INTU: variants seen among roughly 807,000 people sequenced by gnomAD.
INTU encodes inturned planar cell polarity protein, also known as protein inturned.
A neutral mutation model predicts 100.5 loss-of-function variants in INTU; 68 were observed. That is an observed-to-expected ratio of 0.68 (90% CI 0.56 to 0.83). The LOEUF is 0.83. Ranked by LOEUF, INTU falls within the 40% of genes least tolerant of loss-of-function variation. The pLI is 0.00. For missense variants in INTU, 1,071 were observed against 1,114.7 expected, an observed-to-expected ratio of 0.96 and a Z score of 0.56; for synonymous variants, 357 against 395.7, an observed-to-expected ratio of 0.90 and a Z score of 1.16.
At chr4:127,664,452 A>C (rs552096732) in intron 4 of INTU, among the ~76,000 whole-genome samples, 62 of 152,112 alleles carry the variant, frequency 4.1e-4, no homozygotes, top group South Asian at 1.7e-3. Flanking sequence ...ATAATTAAGA[A>C]AGATATAGAA....
At chr4:127,692,629 T>G (rs1730202267) in intron 8 of INTU, among the ~76,000 whole-genome samples, 1 of 152,202 alleles carries the variant, frequency 6.6e-6, no homozygotes, top group Admixed American at 6.5e-5. Context: ...TTGCATTTGC[T>G]TTTGGGTTCT....
intron 13 of INTU, among the ~76,000 whole-genome samples, chr4:127,709,644 G>A (rs1731018461): frequency 6.6e-6 from 1 of 151,516 alleles, no homozygotes; most frequent in Non-Finnish European, 1.5e-5. Context: ...TCATGTGTGG[G>A]ATCAACTGGT....
intron 8 of INTU, among the ~76,000 whole-genome samples, chr4:127,696,676 C>T (rs554058675): frequency 2.2e-4 from 34 of 151,582 alleles, no homozygotes; most frequent in Admixed American, 8.5e-4. Flanking sequence ...TTTTCAGTGT[C>T]GTTGATTTCT....
intron 6 of INTU, among the ~76,000 whole-genome samples, chr4:127,682,692 A>G (rs377025495): frequency 1.3e-5 from 2 of 151,852 alleles, no homozygotes; most frequent in African/African-American, 2.4e-5. Context: ...ACATGTATAC[A>G]TATGTAACTA....
At chr4:127,684,952 A>AT (rs1729749170) in intron 7 of INTU, among the ~76,000 whole-genome samples, 1 of 151,996 alleles carries the variant, frequency 6.6e-6, no homozygotes. Flanking sequence ...CTTAAAATAC[A>AT]TTTTTGTGTT....
chr4:127,640,226 T>A (rs1727250002), intron 1 of INTU, among the ~76,000 whole-genome samples: 1 of 152,078 alleles, frequency 6.6e-6, no homozygotes, highest in Non-Finnish European at 1.5e-5. Flanking sequence ...TATAATCTAT[T>A]TTCAAGAAGA....
intron 2 of INTU, among the ~76,000 whole-genome samples, chr4:127,653,182 T>C (rs1457007175): frequency 2.1e-5 from 3 of 143,272 alleles, no homozygotes; most frequent in Non-Finnish European, 4.6e-5. Flanking sequence ...GCTCCTGGAT[T>C]CATTAATTTT....
At chr4:127,714,160 AT>A (rs1480671609) in intron 15 of INTU, 67 bp downstream of exon 15, 1 of 1,311,864 alleles carries the variant, frequency 7.6e-7, no homozygotes, top group African/African-American at 1.5e-5. Context: ...GGTAAAGGAG[AT>A]TAACATTTTA....
intron 8 of INTU, among the ~76,000 whole-genome samples, 175 bp downstream of exon 8, chr4:127,688,042 C>A (rs1395492923): frequency 1.3e-5 from 2 of 152,056 alleles, no homozygotes; most frequent in African/African-American, 4.8e-5. Flanking sequence ...AGAAATTATC[C>A]TTTATAAGTA....
At chr4:127,687,645 T>C (rs770706523) in intron 7 of INTU, 33 bp from the exon 8 acceptor site, 13 of 1,561,476 alleles carry the variant, frequency 8.3e-6, no homozygotes, top group East Asian at 4.5e-5. Context: ...CATTTCCATA[T>C]GTCGTTCTAA....
chr4:127,711,254 A>G (rs1158101949), intron 14 of INTU, 152 bp downstream of exon 14: 1 of 518,432 alleles, frequency 1.9e-6, no homozygotes, highest in Non-Finnish European at 3.2e-6. Context: ...AAACAATTAT[A>G]CTCACAGTAC....
intron 5 of INTU, among the ~76,000 whole-genome samples, chr4:127,671,183 G>A (rs920029081): frequency 6.6e-6 from 1 of 151,958 alleles, no homozygotes; most frequent in African/African-American, 2.4e-5. Flanking sequence ...ATAGCCTGCG[G>A]AATGAGAGAA....
At chr4:127,712,041 G>A (rs554528919) in intron 14 of INTU, among the ~76,000 whole-genome samples, 2 of 152,266 alleles carry the variant, frequency 1.3e-5, no homozygotes, top group African/African-American at 2.4e-5. Context: ...TACTTGTGAC[G>A]TTATACAGCC....
Position 127,726,654 on chromosome 4 carries a change from G to A in INTU, c.*10218G>A, listed in dbSNP as rs915580709. On this transcript the variant is annotated 3_prime_UTR_variant, in exon 16 of 16. Transcript: ENST00000335251. Reference sequence around the variant, plus strand: ...TATGAAATAATTTAATTTTGCAGTTGTGTTTCTATATTCTATGTAATTAAA... The same window carrying A: ...TATGAAATAATTTAATTTTGCAGTTATGTTTCTATATTCTATGTAATTAAA... 2.0e-5 allele frequency: 3 copies of A among 152,140 alleles called. No individual in the cohort carries two copies. The highest frequency in any genetic ancestry group is 7.2e-5 in the African/African-American group (3 of 41,432). 9.4% of individuals were successfully genotyped at this position (152,140 alleles called of 1,614,324 possible). A position where few individuals can be genotyped will look rare whatever the true frequency, so the allele number is the denominator to read the frequency against.
intron 8 of INTU, among the ~76,000 whole-genome samples, chr4:127,689,204 G>A (rs375724491): frequency 3.3e-5 from 5 of 151,582 alleles, no homozygotes; most frequent in East Asian, 3.9e-4. Flanking sequence ...GGCTGGTCTC[G>A]AACTCCTGAG....
intron 6 of INTU, among the ~76,000 whole-genome samples, chr4:127,677,692 G>T (rs1396182513): frequency 6.6e-6 from 1 of 152,106 alleles, no homozygotes; most frequent in Non-Finnish European, 1.5e-5. Context: ...AAAGCAGAGT[G>T]CCTCTCCTCC....
In INTU at chr4:127,718,201, G is replaced by A. The variant is rs957532891; in HGVS notation, c.*1765G>A. On this transcript the variant is annotated 3_prime_UTR_variant, in exon 16 of 16. Transcript: ENST00000335251. ...GGTCCAGTTTCTATTTTCTGCATAT[G>A]GATAGCTAGTTCTCCCAGCACCATT... 6.6e-6 allele frequency: 1 copy of A among 152,132 alleles called. No homozygotes were observed. Among genetic ancestry groups the A allele is most frequent in the Non-Finnish European group, 1.5e-5 (1 of 68,010 alleles). 9.4% of individuals were successfully genotyped at this position (152,132 alleles called of 1,614,324 possible).
intron 2 of INTU, 127 bp downstream of exon 2, chr4:127,644,183 T>A (rs1727466877): frequency 1.0e-6 from 1 of 997,492 alleles, no homozygotes; most frequent in African/African-American, 1.6e-5. Flanking sequence ...TAATGACATT[T>A]GGTACAGTAG....
intron 13 of INTU, 21 bp from the exon 14 acceptor site, chr4:127,710,888 CTCTT>C (rs1408194097): frequency 1.4e-6 from 2 of 1,395,442 alleles, no homozygotes; most frequent in Admixed American, 5.0e-5. Context: ...CTTTTTTCTT[CTCTT>C]TGATTTTTTT....
Sources: allele counts gnomAD v4.1 joint callset (sites outside exome capture counted in the v4.1 genomes callset), GRCh38; gene constraint gnomAD v4.1.1; transcripts MANE v1.5; gene names NCBI Gene and HGNC (gene_info 2026-07-23, HGNC 2026-07-21).